The following DLG2 variants were observed in gnomAD, a reference collection of about 807,000 sequenced individuals.
The protein encoded by DLG2 is discs large MAGUK scaffold protein 2.
Under a neutral mutation model 132.5 loss-of-function variants are expected in DLG2, and 45 were observed. That is an observed-to-expected ratio of 0.34 (90% confidence interval 0.27 to 0.44). DLG2 has a LOEUF of 0.44. Among genes scored for constraint, DLG2 ranks in the 20% least tolerant of loss-of-function variants. DLG2 has a pLI of 1.00. For missense variants in DLG2, 1,045 were observed against 1,196.9 expected (o/e 0.87, Z 1.87); for synonymous variants, 424 against 419.6 (o/e 1.01, Z -0.13).
intron 6 of DLG2, among the ~76,000 whole-genome samples, chr11:84,977,364 GA>G (rs1470768926): frequency 3.9e-5 from 6 of 152,158 alleles, no homozygotes; most frequent in African/African-American, 7.2e-5. Flanking sequence ...CAGAATCAAA[GA>G]GACGGCAAGT....
Position 83,471,678 on chromosome 11 carries a change from G to C in DLG2, c.2394C>G (p.Ile798Met). The C allele has an allele frequency of 6.2e-7, 1 of 1,613,218 alleles. No homozygotes were observed. Among genetic ancestry groups the C allele is most frequent in the South Asian group, 1.1e-5 (1 of 91,046 alleles). The change falls in exon 24 of 28, where the codon ATC becomes ATG. Residue 798 changes from isoleucine to methionine, a missense_variant. Coordinates refer to ENST00000376104, the MANE Select transcript of DLG2 (RefSeq NM_001142699.3). Reference sequence around the variant, plus strand: ...GGAATTCAGATATCAAGTCGTCATTGATCCGATCCTTCATGGGCCCCAGGA... The same window carrying C: ...GGAATTCAGATATCAAGTCGTCATTCATCCGATCCTTCATGGGCCCCAGGA... ...VIILGPMKDR[I>M]NDDLISEFPD...
chr11:84,754,826 T>C (rs2153837016), intron 6 of DLG2, among the ~76,000 whole-genome samples: 1 of 152,310 alleles, frequency 6.6e-6, no homozygotes, highest in African/African-American at 2.4e-5. Flanking sequence ...TACTCAATTG[T>C]TACAAATTTA....
At chr11:84,663,268 T>C (rs926959890) in intron 6 of DLG2, among the ~76,000 whole-genome samples, 29 of 151,196 alleles carry the variant, frequency 1.9e-4, no homozygotes, top group African/African-American at 6.8e-4. Flanking sequence ...TCATATATTC[T>C]GCATGGTCTA....
chr11:84,298,884 T>C (rs1488110118), intron 7 of DLG2, among the ~76,000 whole-genome samples: 1 of 152,166 alleles, frequency 6.6e-6, no homozygotes, highest in Non-Finnish European at 1.5e-5. Context: ...ACAGTAGTGG[T>C]TGGAGATGGA....
intron 9 of DLG2, among the ~76,000 whole-genome samples, chr11:84,126,759 C>T (rs1284712516): frequency 6.6e-6 from 1 of 152,122 alleles, no homozygotes; most frequent in Non-Finnish European, 1.5e-5. Flanking sequence ...CTTTGTAGTA[C>T]TTAATTTACA....
chr11:83,786,753 C>T lies in DLG2; in HGVS notation c.1762G>A (p.Ala588Thr). Residue 588 changes from alanine to threonine, a missense_variant, in exon 18 of 28, where the codon GCA becomes ACA. Physicochemically the swap from Ala to Thr is moderately conservative, Grantham distance 58. Transcript: ENST00000376104. ...IDLRGASHEQAAAALKGAGQT... is the reference protein window; with the variant it reads ...IDLRGASHEQTAAALKGAGQT... ...CCAGCCCCCTTTAGTGCAGCAGCTG[C>T]CTGCTCGTGGGATGCACCACGGAGG... The T allele has an allele frequency of 6.2e-7, 1 of 1,614,086 alleles. No homozygotes were observed. Among genetic ancestry groups the T allele is most frequent in the Non-Finnish European group, 8.5e-7 (1 of 1,180,002 alleles).
chr11:83,874,239 G>A (rs2064118530), intron 16 of DLG2, among the ~76,000 whole-genome samples, 181 bp downstream of exon 16: 1 of 30,030 alleles, frequency 3.3e-5, no homozygotes, highest in African/African-American at 2.7e-4. Flanking sequence ...GAAAGACAAA[G>A]AAAGAAGGGA....
At chr11:84,599,224 G>A (rs2099570345) in intron 6 of DLG2, among the ~76,000 whole-genome samples, 1 of 152,056 alleles carries the variant, frequency 6.6e-6, no homozygotes, top group Non-Finnish European at 1.5e-5. Flanking sequence ...CAGCTGGGGT[G>A]ACAAAGCAAG....
At chr11:83,621,810 G>C (rs2061672942) in intron 19 of DLG2, among the ~76,000 whole-genome samples, 1 of 152,094 alleles carries the variant, frequency 6.6e-6, no homozygotes, top group South Asian at 2.1e-4. Flanking sequence ...AATGTCCTAA[G>C]TCGGGGGTCA....
intron 4 of DLG2, among the ~76,000 whole-genome samples, chr11:85,213,770 C>T (rs1468703241): frequency 2.6e-5 from 4 of 152,078 alleles, no homozygotes; most frequent in African/African-American, 4.8e-5. Context: ...TATGTCTCAA[C>T]TTTGGAATGC....
At chr11:84,177,795 A>G (rs1315259725) in intron 8 of DLG2, among the ~76,000 whole-genome samples, 3 of 152,130 alleles carry the variant, frequency 2.0e-5, no homozygotes, top group Non-Finnish European at 4.4e-5. Context: ...TAATTTAAAT[A>G]AATTAGTAAA....
intron 6 of DLG2, among the ~76,000 whole-genome samples, chr11:84,586,023 T>C (rs2099528868): frequency 6.6e-6 from 1 of 152,016 alleles, no homozygotes; most frequent in Non-Finnish European, 1.5e-5. Flanking sequence ...TGATGGTGCA[T>C]GCCTGTAATC....
Position 83,720,759 on chromosome 11 carries a change from T to TTTTA in DLG2, c.1825+65930_1825+65931insTAAA, listed in dbSNP as rs1555357443. 72 of 149,452 alleles carry TTTTA rather than the reference T, an allele frequency of 4.8e-4. 1 individual carries two copies. Among genetic ancestry groups the TTTTA allele is most frequent in the African/African-American group, 1.8e-3 (71 of 40,392 alleles). 9.3% of individuals were successfully genotyped at this position (149,452 alleles called of 1,614,324 possible). On this transcript the variant is annotated intron_variant, in intron 18 of 27. Transcript: ENST00000376104. ...CTCCCTTTTTTTTTTTTTTTTTTTT[T>TTTTA]AATTACCAGAGAGTAGGGCCAGGGA...
chr11:85,527,184 T>A (rs541559837), intron 3 of DLG2, among the ~76,000 whole-genome samples: 75 of 152,092 alleles, frequency 4.9e-4, no homozygotes, highest in African/African-American at 1.4e-3. Context: ...TTATTTTTTT[T>A]TTTTTTTATT....
chr11:84,911,029 C>G (rs1387944875), intron 6 of DLG2, among the ~76,000 whole-genome samples: 1 of 152,146 alleles, frequency 6.6e-6, no homozygotes, highest in Admixed American at 6.5e-5. Flanking sequence ...AAATATTTTT[C>G]TGTACTGAAG....
intron 14 of DLG2, among the ~76,000 whole-genome samples, chr11:83,934,552 T>C (rs77161263): frequency 0.02 from 3,118 of 152,274 alleles, 99 homozygotes; most frequent in African/African-American, 0.071. Context: ...ATGACTGTGA[T>C]TGTAAATAGT....
chr11:85,194,461 C>T (rs1158071780), intron 4 of DLG2, among the ~76,000 whole-genome samples: 1 of 151,860 alleles, frequency 6.6e-6, no homozygotes, highest in African/African-American at 2.4e-5. Context: ...CAGTATTTAC[C>T]CATCTTACTG....
chr11:84,104,023 T>C (rs1475061806), intron 9 of DLG2, among the ~76,000 whole-genome samples: 1 of 152,130 alleles, frequency 6.6e-6, no homozygotes, highest in Non-Finnish European at 1.5e-5. Context: ...GTTTGTTGCA[T>C]TATTTTTCTA....
At chr11:84,157,524 G>A (rs748818688) in intron 9 of DLG2, among the ~76,000 whole-genome samples, 3 of 152,094 alleles carry the variant, frequency 2.0e-5, no homozygotes, top group South Asian at 2.1e-4. Context: ...TCAGACTACT[G>A]GGTTCAAATG....
Sources: allele counts gnomAD v4.1 joint callset (sites outside exome capture counted in the v4.1 genomes callset), GRCh38; gene constraint gnomAD v4.1.1; transcripts MANE v1.5; gene names NCBI Gene and HGNC (gene_info 2026-07-23, HGNC 2026-07-21).